The following ELOVL7 variants were observed in gnomAD, a reference collection of about 807,000 sequenced individuals.
ELOVL7 encodes the protein very long chain fatty acid elongase 7.
Under a neutral mutation model 35.7 loss-of-function variants are expected in ELOVL7, and 27 were observed. The ratio of observed to expected loss-of-function variants is 0.76; its 90% CI spans 0.56 to 1.04. ELOVL7 has a LOEUF of 1.04. ELOVL7 is among the 50% of genes least tolerant of loss of function. The probability of loss-of-function intolerance (pLI) is 0.00; values close to 1 mark genes in which losing one functional copy is unlikely to be tolerated. For missense variants in ELOVL7, 327 were observed against 340.8 expected (o/e 0.96, Z 0.32); for synonymous variants, 113 against 114.6 (o/e 0.99, Z 0.09).
intron 1 of ELOVL7, among the ~76,000 whole-genome samples, chr5:60,826,636 T>C (rs1746187801): frequency 6.6e-6 from 1 of 152,240 alleles, no homozygotes; most frequent in African/African-American, 2.4e-5. Flanking sequence ...TGTTTGTTAC[T>C]AGCATTCCTG....
At chr5:60,821,640 C>T (rs992317046) in intron 1 of ELOVL7, among the ~76,000 whole-genome samples, 19 of 152,236 alleles carry the variant, frequency 1.2e-4, no homozygotes, top group African/African-American at 4.6e-4. Context: ...CATAAGCTGT[C>T]CCCTCTTCTA....
intron 2 of ELOVL7, among the ~76,000 whole-genome samples, chr5:60,796,931 CAA>C (rs928819308): frequency 1.3e-5 from 2 of 152,070 alleles, no homozygotes; most frequent in Admixed American, 1.3e-4. Context: ...GTTTATAAAA[CAA>C]GAACAATTCC....
intron 8 of ELOVL7, among the ~76,000 whole-genome samples, chr5:60,756,324 T>G (rs142842225): frequency 1.1e-4 from 17 of 152,280 alleles, no homozygotes; most frequent in African/African-American, 3.8e-4. Flanking sequence ...AGAGAAAAAC[T>G]GGATGAAAAC....
intron 8 of ELOVL7, among the ~76,000 whole-genome samples, chr5:60,757,139 C>T (rs866708239): frequency 1.1e-4 from 17 of 152,080 alleles, no homozygotes; most frequent in Non-Finnish European, 2.1e-4. Context: ...GAAGGCTCAT[C>T]GTTCCCTCAA....
intron 2 of ELOVL7, among the ~76,000 whole-genome samples, chr5:60,796,685 C>G (rs962773721): frequency 4.6e-5 from 7 of 152,142 alleles, no homozygotes; most frequent in Non-Finnish European, 5.9e-5. Flanking sequence ...AATTTTTGAG[C>G]TTTTCTTTAA....
At chr5:60,754,916 A>C in intron 8 of ELOVL7, 83 bp from the exon 9 acceptor site, 1 of 1,137,424 alleles carries the variant, frequency 8.8e-7, no homozygotes, top group Non-Finnish European at 1.3e-6. Context: ...TGCACTCCCA[A>C]AGTGCAGGGA....
rs929269451 is a variant in ELOVL7 at position 60,757,391 on chromosome 5, G to A, written c.636+118C>T. On this transcript the variant is annotated intron_variant, in intron 8 of 8. Transcript: ENST00000508821. ...ATGATGGCATATCATGTAGGGGCCA[G>A]ACGCTCTACCCCTATTGTTTTGTCT... The A allele has an allele frequency of 6.3e-5, 63 of 1,007,830 alleles. 1 individual carries two copies. The highest frequency in any genetic ancestry group is 6.5e-4 in the Middle Eastern group (2 of 3,100). 62.4% of individuals were successfully genotyped at this position (1,007,830 alleles called of 1,614,324 possible). A position where few individuals can be genotyped will look rare whatever the true frequency, so the allele number is the denominator to read the frequency against.
intron 1 of ELOVL7, among the ~76,000 whole-genome samples, chr5:60,816,971 T>C (rs1474834695): frequency 3.3e-5 from 5 of 152,216 alleles, no homozygotes; most frequent in African/African-American, 1.2e-4. Flanking sequence ...TTTTTGCGAA[T>C]CTATAATTAT....
intron 7 of ELOVL7, among the ~76,000 whole-genome samples, chr5:60,759,178 C>A (rs1362486646): frequency 6.6e-6 from 1 of 152,184 alleles, no homozygotes; most frequent in African/African-American, 2.4e-5. Context: ...CCCAAAGCCT[C>A]ATTTATGCTA....
chr5:60,790,130 A>C (rs947757958), intron 2 of ELOVL7, among the ~76,000 whole-genome samples: 1 of 152,106 alleles, frequency 6.6e-6, no homozygotes, highest in African/African-American at 2.4e-5. Flanking sequence ...AGAGCGAGAC[A>C]CTACCTCAAA....
At chr5:60,841,897 C>A (rs1200059417) in intron 1 of ELOVL7, among the ~76,000 whole-genome samples, 1 of 152,134 alleles carries the variant, frequency 6.6e-6, no homozygotes, top group African/African-American at 2.4e-5. Context: ...AGGCTTTTCT[C>A]CCCTTCATGT....
At chr5:60,765,713 C>T (rs922236868) in intron 6 of ELOVL7, among the ~76,000 whole-genome samples, 3 of 152,088 alleles carry the variant, frequency 2.0e-5, no homozygotes, top group African/African-American at 4.8e-5. Context: ...TGTTAAAGTT[C>T]GAGAACCACT....
rs1409613382 is a variant in ELOVL7, at chr5:60,754,376, T to C, written c.*248A>G. ...AATGTTTTAAACAAAACCTTTGGAT[T>C]AGGTTTAAAAGCAGCTAAAAAAACA... is the stretch of plus-strand genomic sequence containing the variant. On this transcript the variant is annotated 3_prime_UTR_variant, in exon 9 of 9. Coordinates refer to ENST00000508821, the MANE Select transcript of ELOVL7 (RefSeq NM_024930.3). 1 of 462,004 alleles carries C rather than the reference T, an allele frequency of 2.2e-6. No homozygotes were observed. Among genetic ancestry groups the C allele is most frequent in the Admixed American group, 3.6e-5 (1 of 27,582 alleles). The allele number at this position is 462,004 out of a possible 1,614,324, so 28.6% of individuals were successfully genotyped here. A position where few individuals can be genotyped will look rare whatever the true frequency, so the allele number is the denominator to read the frequency against.
intron 1 of ELOVL7, among the ~76,000 whole-genome samples, chr5:60,830,226 G>A (rs1008616756): frequency 6.6e-5 from 10 of 152,112 alleles, no homozygotes; most frequent in African/African-American, 2.2e-4. Flanking sequence ...CTTGACACTA[G>A]GGATACAGTG....
chr5:60,831,811 A>G (rs1028486514), intron 1 of ELOVL7, among the ~76,000 whole-genome samples: 10 of 152,180 alleles, frequency 6.6e-5, no homozygotes, highest in African/African-American at 2.4e-4. Context: ...ACAAACCATT[A>G]GAGTTGTGGT....
chr5:60,782,613 T>A (rs1352070085), intron 3 of ELOVL7, among the ~76,000 whole-genome samples: 1 of 152,240 alleles, frequency 6.6e-6, no homozygotes, highest in East Asian at 1.9e-4. Context: ...CAATGGACTA[T>A]TATTCAGCCT....
intron 1 of ELOVL7, among the ~76,000 whole-genome samples, chr5:60,816,853 T>A (rs1443399671): frequency 6.6e-6 from 1 of 152,048 alleles, no homozygotes; most frequent in African/African-American, 2.4e-5. Context: ...TAAAACAAAT[T>A]TCAGATAAAT....
intron 1 of ELOVL7, among the ~76,000 whole-genome samples, chr5:60,840,021 T>C (rs1257096032): frequency 6.6e-6 from 1 of 151,898 alleles, no homozygotes; most frequent in Non-Finnish European, 1.5e-5. Flanking sequence ...AGAGCATCCT[T>C]CTGTATCTTA....
chr5:60,806,753 T>A (rs887794914), intron 1 of ELOVL7, among the ~76,000 whole-genome samples: 1 of 151,982 alleles, frequency 6.6e-6, no homozygotes, highest in Non-Finnish European at 1.5e-5. Flanking sequence ...GCCATCTTTA[T>A]GTTCACAGGG....
Sources: allele counts gnomAD v4.1 joint callset (sites outside exome capture counted in the v4.1 genomes callset), GRCh38; gene constraint gnomAD v4.1.1; transcripts MANE v1.5; gene names NCBI Gene and HGNC (gene_info 2026-07-23, HGNC 2026-07-21).